The following ADGRB3 variants were observed in gnomAD, a reference collection of about 807,000 sequenced individuals.
The protein encoded by ADGRB3 is adhesion G protein-coupled receptor B3, also known as brain-specific angiogenesis inhibitor 3.
In ADGRB3, 37 loss-of-function variants were observed where a neutral mutation model predicts 193.4. The observed-to-expected ratio is 0.19, with a 90% CI of 0.15 to 0.25. ADGRB3 has a LOEUF of 0.25. ADGRB3 is among the 10% of genes least tolerant of loss of function. ADGRB3 has a pLI of 1.00. For missense variants in ADGRB3, 1,637 were observed against 1,852.9 expected (o/e 0.88, Z 2.14); for synonymous variants, 690 against 644.2 (o/e 1.07, Z -1.08).
At chr6:69,181,649 C>A (rs6915436) in intron 17 of ADGRB3, among the ~76,000 whole-genome samples, 230 of 152,278 alleles carry the variant, frequency 1.5e-3, no homozygotes, top group African/African-American at 5.1e-3. Context: ...TCAGTTTCTT[C>A]TTTCCACCTT....
intron 3 of ADGRB3, among the ~76,000 whole-genome samples, chr6:68,671,950 T>C (rs1358533044): frequency 6.6e-6 from 1 of 152,062 alleles, no homozygotes; most frequent in Non-Finnish European, 1.5e-5. Flanking sequence ...TTGTTTATTA[T>C]TGGTCTGTTC....
In ADGRB3 at chr6:69,354,298, T is replaced by C. The variant is rs778185049; in HGVS notation, c.3525T>C (p.Ser1175=). The change falls in exon 27 of 32, where the codon AGT becomes AGC. Residue 1175 remains serine (S), a synonymous_variant. Transcript: ENST00000370598. ...ATCCCATCAATGCAGATTCTTCGAG[T>C]TCGTTTCCTAATGGGCATGCTCAAA... is the stretch of plus-strand genomic sequence containing the variant. ...CQDPINADSS[S]SFPNGHAQIM... 1 of 1,613,866 alleles carries C rather than the reference T, an allele frequency of 6.2e-7. No homozygotes were observed. The highest frequency in any genetic ancestry group is 8.5e-7 in the Non-Finnish European group (1 of 1,179,824).
chr6:68,780,361 AGTT>A (rs1766829815), intron 3 of ADGRB3, among the ~76,000 whole-genome samples: 1 of 152,030 alleles, frequency 6.6e-6, no homozygotes, highest in Admixed American at 6.6e-5. Flanking sequence ...TTTGGTAACT[AGTT>A]GTCTTTGTAT....
chr6:68,655,342 AT>A (rs1172286875), intron 3 of ADGRB3, among the ~76,000 whole-genome samples: 3 of 151,328 alleles, frequency 2.0e-5, no homozygotes, highest in Non-Finnish European at 4.4e-5. Context: ...AGTGGTGATG[AT>A]TTTAGTGAAA....
intron 3 of ADGRB3, among the ~76,000 whole-genome samples, chr6:68,710,914 T>G (rs1050845442): frequency 1.3e-5 from 2 of 152,116 alleles, no homozygotes; most frequent in African/African-American, 4.8e-5. Context: ...GGGACCCCTT[T>G]TATTCCTTCT....
chr6:68,695,370 CCTT>C (rs1765139908), intron 3 of ADGRB3, among the ~76,000 whole-genome samples: 1 of 152,028 alleles, frequency 6.6e-6, no homozygotes, highest in African/African-American at 2.4e-5. Flanking sequence ...AATTGTCCCT[CCTT>C]CTGAGTGTAA....
intron 3 of ADGRB3, among the ~76,000 whole-genome samples, chr6:68,751,887 G>A (rs7747313): frequency 0.75 from 114,190 of 151,626 alleles, 43,235 homozygotes; most frequent in Middle Eastern, 0.91. Flanking sequence ...CCCTCCATCT[G>A]TGTAATGTAA....
intron 3 of ADGRB3, among the ~76,000 whole-genome samples, chr6:68,662,407 A>C (rs907961803): frequency 6.6e-6 from 1 of 151,536 alleles, no homozygotes; most frequent in Admixed American, 6.6e-5. Context: ...ATAGGGCGAG[A>C]TTTTGGGTAT....
intron 12 of ADGRB3, among the ~76,000 whole-genome samples, chr6:69,016,469 A>G (rs929800956): frequency 2.0e-5 from 3 of 151,958 alleles, no homozygotes; most frequent in African/African-American, 7.2e-5. Flanking sequence ...ACCCTTTGTC[A>G]CGCATAATTC....
intron 17 of ADGRB3, among the ~76,000 whole-genome samples, chr6:69,196,243 A>G (rs971254717): frequency 2.6e-5 from 4 of 152,138 alleles, no homozygotes; most frequent in African/African-American, 9.7e-5. Flanking sequence ...TGCCAATTTC[A>G]TATGAATTAG....
intron 3 of ADGRB3, among the ~76,000 whole-genome samples, chr6:68,667,758 T>C (rs1439297599): frequency 1.3e-5 from 2 of 151,828 alleles, no homozygotes; most frequent in Non-Finnish European, 2.9e-5. Flanking sequence ...AACAGAGCTG[T>C]AAAATTTTCT....
At chr6:69,123,007 T>TGTGTAC (rs140198780) in intron 17 of ADGRB3, among the ~76,000 whole-genome samples, 1,731 of 151,624 alleles carry the variant, frequency 0.011, 83 homozygotes, top group East Asian at 0.099. Flanking sequence ...TGAGTGTGTG[T>TGTGTAC]GTGTGTGTGT....
chr6:68,649,392 T>C (rs1768292420), intron 3 of ADGRB3, among the ~76,000 whole-genome samples: 2 of 152,164 alleles, frequency 1.3e-5, no homozygotes, highest in South Asian at 4.1e-4. Flanking sequence ...AATGACTATT[T>C]GATAAATCTA....
chr6:69,338,721 G>A (rs1053800826), intron 24 of ADGRB3, among the ~76,000 whole-genome samples, 195 bp from the exon 25 acceptor site: 2 of 152,284 alleles, frequency 1.3e-5, no homozygotes, highest in South Asian at 2.1e-4. Context: ...TGCAACAAAG[G>A]CCCATATTAA....
At chr6:68,860,550 T>C (rs571636758) in intron 3 of ADGRB3, among the ~76,000 whole-genome samples, 3 of 152,348 alleles carry the variant, frequency 2.0e-5, no homozygotes, top group Admixed American at 2.0e-4. Flanking sequence ...TCCATGTTGC[T>C]GCAAAAGCCA....
At chr6:68,920,642 GA>G (rs892377879) in intron 3 of ADGRB3, among the ~76,000 whole-genome samples, 2 of 150,740 alleles carry the variant, frequency 1.3e-5, no homozygotes, top group Non-Finnish European at 3.0e-5. Flanking sequence ...AGTTTAATGA[GA>G]AAAAAAACTT....
chr6:68,686,410 C>T (rs1764983731), intron 3 of ADGRB3, among the ~76,000 whole-genome samples: 1 of 152,138 alleles, frequency 6.6e-6, no homozygotes, highest in African/African-American at 2.4e-5. Flanking sequence ...TCACTTCTAC[C>T]TCTTGGTGGC....
At position 68,924,680 on chromosome 6, in the gene ADGRB3, G is replaced by T. The variant is rs1223028470; in HGVS notation, c.758-5879G>T. Among the ~76,000 whole-genome samples, 4 of 151,844 alleles carry T rather than the reference G, an allele frequency of 2.6e-5. No individual in the cohort carries two copies. The East Asian group carries it at 5.8e-4, about 22-fold the overall frequency. On this transcript the variant is annotated intron_variant, in intron 3 of 31. Coordinates refer to ENST00000370598, the MANE Select transcript of ADGRB3 (RefSeq NM_001704.3). ...TTACTCATTTGCTTAACAGAGTTACGCCCAGCTACCCAACGAAATCATTTC... is the reference window on the plus strand; with the variant it reads ...TTACTCATTTGCTTAACAGAGTTACTCCCAGCTACCCAACGAAATCATTTC...
intron 17 of ADGRB3, among the ~76,000 whole-genome samples, chr6:69,210,170 A>ATATATATATATATATATATATATATAG (rs70987458): frequency 7.6e-6 from 1 of 131,772 alleles, no homozygotes; most frequent in Non-Finnish European, 1.6e-5. Context: ...ATATATATAT[A>ATATATATATATATATATATATATATAG]AAGGGGAGTT....
Sources: allele counts gnomAD v4.1 joint callset (sites outside exome capture counted in the v4.1 genomes callset), GRCh38; gene constraint gnomAD v4.1.1; transcripts MANE v1.5; gene names NCBI Gene and HGNC (gene_info 2026-07-23, HGNC 2026-07-21).